Variants in GTF2H3 observed in about 807,000 individuals in gnomAD.
GTF2H3 encodes the protein TFIIH basal transcription factor complex p34 subunit.
GTF2H3 carries 42 observed loss-of-function variants against 51.1 expected under a neutral mutation model. That is an observed-to-expected ratio of 0.82 (90% CI 0.64 to 1.06). GTF2H3 has a LOEUF of 1.06. Among genes scored for constraint, GTF2H3 ranks in the 50% least tolerant of loss-of-function variants. GTF2H3 has a pLI of 0.00. For synonymous variants in GTF2H3, 123 were observed against 123.8 expected (o/e 0.99, Z 0.04); for missense variants, 326 against 366.1 (o/e 0.89, Z 0.89).
chr12:123,637,927 T>C (rs1955308994), intron 1 of GTF2H3, among the ~76,000 whole-genome samples: 1 of 152,212 alleles, frequency 6.6e-6, no homozygotes, highest in African/African-American at 2.4e-5. Context: ...GGATTCCTAC[T>C]ACTAGTTAAC....
intron 7 of GTF2H3, among the ~76,000 whole-genome samples, chr12:123,654,439 CGT>C (rs1401860177): frequency 8.3e-6 from 1 of 120,186 alleles, no homozygotes; most frequent in Non-Finnish European, 1.8e-5. Context: ...GGTGTATGTC[CGT>C]GTGTGTATTT....
chr12:123,647,922 T>C (rs1955470571), intron 3 of GTF2H3, 41 bp from the exon 4 acceptor site: 2 of 1,518,094 alleles, frequency 1.3e-6, no homozygotes, highest in Non-Finnish European at 1.8e-6. Flanking sequence ...GCCTGGGCGG[T>C]GAGGCCTGGT....
intron 7 of GTF2H3, 89 bp downstream of exon 7, chr12:123,652,824 T>C (rs1377368999): frequency 1.6e-6 from 2 of 1,257,422 alleles, no homozygotes; most frequent in East Asian, 2.9e-5. Flanking sequence ...ACACCTGTTA[T>C]CCCAGCACTT....
At position 123,645,523 on chromosome 12, in the gene GTF2H3, C is replaced by G. The variant is rs755065949; in HGVS notation, c.162C>G (p.Ser54=). Reference sequence around the variant, plus strand: ...ATTCGCATTTATTCATGAATCGTTCCAACAAACTTGCTGTGATAGCAAGTC... The same window carrying G: ...ATTCGCATTTATTCATGAATCGTTCGAACAAACTTGCTGTGATAGCAAGTC... The part of the protein sequence containing the change: ...LGNSHLFMNR[S]NKLAVIASHI... Residue 54 remains serine, a synonymous_variant, in exon 3 of 13, where the codon TCC becomes TCG. Coordinates refer to ENST00000543341, the MANE Select transcript of GTF2H3 (RefSeq NM_001516.5). The G allele has an allele frequency of 5.0e-6, 8 of 1,607,678 alleles. No homozygotes were observed. Among genetic ancestry groups the G allele is most frequent in the Non-Finnish European group, 6.8e-6 (8 of 1,174,380 alleles).
intron 2 of GTF2H3, among the ~76,000 whole-genome samples, chr12:123,641,527 G>GTTTT (rs112546170): frequency 1.3e-4 from 17 of 128,524 alleles, no homozygotes; most frequent in African/African-American, 5.1e-4. Context: ...GTCTGCCCCC[G>GTTTT]TTTTTTTTTT....
At chr12:123,649,853 A>G (rs998152124) in intron 4 of GTF2H3, 2 of 152,220 alleles carry the variant, frequency 1.3e-5, no homozygotes, top group Non-Finnish European at 2.9e-5. Flanking sequence ...AAAATAATTG[A>G]ATTGCATACC....
rs1226888927 is a variant in GTF2H3 at position 123,661,943 on chromosome 12, A to G, written c.*1708A>G. 6.6e-6 allele frequency: 1 copy of G among 151,578 alleles called. No homozygotes were observed. Among genetic ancestry groups the G allele is most frequent in the Non-Finnish European group, 1.5e-5 (1 of 67,950 alleles). The allele number at this position is 151,578 out of a possible 1,614,324, so 9.4% of individuals were successfully genotyped here. ...GACCATCCTGCCCAACGTGGTGAAA[A>G]CATGGTGAAACCCTGTCTCTACTAA... On this transcript the variant is annotated 3_prime_UTR_variant, in exon 13 of 13. Coordinates refer to ENST00000543341, the MANE Select transcript of GTF2H3 (RefSeq NM_001516.5).
intron 3 of GTF2H3, 108 bp from the exon 4 acceptor site, chr12:123,647,855 C>T (rs1204048926): frequency 1.1e-5 from 7 of 618,150 alleles, no homozygotes; most frequent in East Asian, 2.9e-5. Flanking sequence ...TTGTGAGTCC[C>T]ACATTGTTGT....
At chr12:123,654,074 T>C (rs1487613156) in intron 7 of GTF2H3, among the ~76,000 whole-genome samples, 3 of 152,170 alleles carry the variant, frequency 2.0e-5, no homozygotes, top group Non-Finnish European at 1.5e-5. Context: ...GAATGCTAAG[T>C]AATCATCTTG....
chr12:123,658,464 C>T (rs936320132), intron 9 of GTF2H3, among the ~76,000 whole-genome samples: 5 of 151,904 alleles, frequency 3.3e-5, no homozygotes, highest in Admixed American at 2.6e-4. Context: ...AAGTGATCCG[C>T]GATTACAGGC....
chr12:123,647,899 T>G, intron 3 of GTF2H3, 64 bp from the exon 4 acceptor site: 1 of 1,147,344 alleles, frequency 8.7e-7, no homozygotes, highest in Non-Finnish European at 1.2e-6. Context: ...AATTTCATTC[T>G]GATCATGAGT....
intron 3 of GTF2H3, 149 bp downstream of exon 3, chr12:123,645,710 T>C (rs758485057): frequency 6.8e-6 from 4 of 589,648 alleles, no homozygotes; most frequent in Non-Finnish European, 1.2e-5. Context: ...CCAGTACATG[T>C]ACATTGTGAT....
At chr12:123,644,519 A>C (rs1295279500) in intron 2 of GTF2H3, among the ~76,000 whole-genome samples, 12 of 152,086 alleles carry the variant, frequency 7.9e-5, no homozygotes, top group Non-Finnish European at 1.5e-4. Context: ...TACAAAAATT[A>C]GCTGGGCGAG....
chr12:123,652,776 A>C, intron 7 of GTF2H3, 41 bp downstream of exon 7: 2 of 1,444,650 alleles, frequency 1.4e-6, no homozygotes, highest in Non-Finnish European at 1.9e-6. Flanking sequence ...TGACAACTAT[A>C]ATTAGAAAAC....
At chr12:123,655,098 T>C in intron 8 of GTF2H3, 100 bp downstream of exon 8, 1 of 885,174 alleles carries the variant, frequency 1.1e-6, no homozygotes, top group Non-Finnish European at 1.9e-6. Flanking sequence ...CTACGTAGGC[T>C]TATGAATGGG....
At chr12:123,640,207 A>G (rs1294282338) in intron 2 of GTF2H3, among the ~76,000 whole-genome samples, 1 of 151,400 alleles carries the variant, frequency 6.6e-6, no homozygotes, top group East Asian at 1.9e-4. Flanking sequence ...TCTCGACCAC[A>G]CCTTCTTTGC....
At chr12:123,639,388 A>C in intron 2 of GTF2H3, 45 bp downstream of exon 2, 1 of 933,734 alleles carries the variant, frequency 1.1e-6, no homozygotes, top group Non-Finnish European at 1.7e-6. Flanking sequence ...GGTTTAACTG[A>C]GTGTTTATAT....
intron 1 of GTF2H3, among the ~76,000 whole-genome samples, chr12:123,636,494 A>AT (rs1348501371): frequency 6.6e-6 from 1 of 152,140 alleles, no homozygotes; most frequent in African/African-American, 2.4e-5. Flanking sequence ...AGCATCCTAG[A>AT]GCCGGGCACG....
intron 7 of GTF2H3, among the ~76,000 whole-genome samples, chr12:123,654,361 T>C (rs531179256): frequency 3.9e-4 from 59 of 151,622 alleles, no homozygotes; most frequent in Non-Finnish European, 7.2e-4. Context: ...GTGGTGTGTG[T>C]ACTTTTGGGG....
Sources: gnomAD v4.1 joint callset for allele counts (sites outside exome capture counted in the v4.1 genomes callset) on GRCh38, gnomAD v4.1.1 for gene constraint, MANE v1.5 for transcripts, NCBI Gene and HGNC (gene_info 2026-07-23, HGNC 2026-07-21) for gene names.